ROBO1: variants seen among roughly 807,000 people sequenced by gnomAD.
ROBO1 encodes roundabout guidance receptor 1, also known as roundabout homolog 1.
In ROBO1, 149 loss-of-function variants were observed where a neutral mutation model predicts 195.9. The observed-to-expected ratio is 0.76, with a 90% CI of 0.67 to 0.87. The LOEUF (loss-of-function observed/expected upper bound fraction) is 0.87, where lower values mean the gene tolerates loss of function less well. Among genes scored for constraint, ROBO1 ranks in the 40% least tolerant of loss-of-function variants. The pLI is 0.00. For missense variants in ROBO1, 1,933 were observed against 2,068.3 expected (o/e 0.93, Z 1.27); for synonymous variants, 816 against 733.2 (o/e 1.11, Z -1.82).
intron 1 of ROBO1, among the ~76,000 whole-genome samples, chr3:79,623,156 A>G (rs1945062270): frequency 6.6e-6 from 1 of 152,026 alleles, no homozygotes; most frequent in Non-Finnish European, 1.5e-5. Flanking sequence ...AACAACAACA[A>G]CAACAACAAA....
intron 2 of ROBO1, among the ~76,000 whole-genome samples, chr3:79,507,308 T>A (rs1172123498): frequency 1.3e-5 from 2 of 152,178 alleles, no homozygotes; most frequent in African/African-American, 4.8e-5. Flanking sequence ...CAACTCTATG[T>A]GAGTCCCCGG....
chr3:79,089,107 A>G (rs1382894687), intron 3 of ROBO1, among the ~76,000 whole-genome samples: 1 of 152,172 alleles, frequency 6.6e-6, no homozygotes, highest in Non-Finnish European at 1.5e-5. Flanking sequence ...TTCCCAGTTA[A>G]CAAAAGAAAA....
At chr3:78,910,822 G>A (rs1014527579) in intron 4 of ROBO1, among the ~76,000 whole-genome samples, 7 of 151,956 alleles carry the variant, frequency 4.6e-5, no homozygotes, top group Admixed American at 4.6e-4. Flanking sequence ...CAATGTTAAA[G>A]TATATTTTCT....
intron 4 of ROBO1, among the ~76,000 whole-genome samples, chr3:78,926,417 A>C (rs927765989): frequency 6.6e-6 from 1 of 152,162 alleles, no homozygotes; most frequent in Non-Finnish European, 1.5e-5. Context: ...GAAAATACTG[A>C]AGCTGTTCAG....
At chr3:79,429,154 G>A (rs531670231) in intron 2 of ROBO1, among the ~76,000 whole-genome samples, 1 of 152,092 alleles carries the variant, frequency 6.6e-6, no homozygotes, top group African/African-American at 2.4e-5. Context: ...CTAGAAATAC[G>A]TGCATATCAA....
At chr3:79,113,055 A>T (rs550626300) in intron 3 of ROBO1, among the ~76,000 whole-genome samples, 128 of 152,174 alleles carry the variant, frequency 8.4e-4, no homozygotes, top group Non-Finnish European at 1.5e-3. Flanking sequence ...CTTGAAAGAG[A>T]CTCTTAACTG....
chr3:79,117,200 T>C (rs2080021048), intron 3 of ROBO1, among the ~76,000 whole-genome samples: 1 of 151,798 alleles, frequency 6.6e-6, no homozygotes, highest in African/African-American at 2.4e-5. Flanking sequence ...AAACCCCATC[T>C]CTACTAAAAT....
rs1704202540 is a variant in ROBO1, at chr3:78,617,754, G to C, written c.4163C>G (p.Ser1388Cys). The change falls in exon 27 of 31, where the codon TCC (serine) becomes TGC (cysteine). Residue 1388 changes from serine to cysteine, a missense_variant. Coordinates refer to ENST00000464233, the MANE Select transcript of ROBO1 (RefSeq NM_002941.4). ...GGAGCCGTCCGAAGAACTAACACTGGAGCGTCCGCTGGAAATGTTGTCCTC... is the reference window on the plus strand; with the variant it reads ...GGAGCCGTCCGAAGAACTAACACTGCAGCGTCCGCTGGAAATGTTGTCCTC... Reference protein sequence around the residue: ...SEEDNISSGRSSVSSSDGSFF... With the variant: ...SEEDNISSGRCSVSSSDGSFF... 6.2e-7 allele frequency: 1 copy of C among 1,613,964 alleles called. No homozygotes were observed. Among genetic ancestry groups the C allele is most frequent in the Non-Finnish European group, 8.5e-7 (1 of 1,179,870 alleles).
chr3:78,693,505 C>A (rs2081221015), intron 8 of ROBO1: 2 of 582,138 alleles, frequency 3.4e-6, no homozygotes, highest in Non-Finnish European at 6.0e-6. Flanking sequence ...TCACACTGTA[C>A]ATGGATGAAT....
intron 8 of ROBO1, among the ~76,000 whole-genome samples, chr3:78,695,252 A>C (rs1472128189): frequency 6.6e-6 from 1 of 152,144 alleles, no homozygotes; most frequent in African/African-American, 2.4e-5. Context: ...CAAGTACCCT[A>C]TAACTTAAAG....
chr3:78,962,700 T>G (rs2041428858), intron 3 of ROBO1, among the ~76,000 whole-genome samples: 1 of 151,670 alleles, frequency 6.6e-6, no homozygotes, highest in Non-Finnish European at 1.5e-5. Flanking sequence ...TGGCGGCGCC[T>G]GTAGTCCCAG....
rs182961590 is a variant in ROBO1, at chr3:79,646,288, G to T, written c.-50-56327C>A. On this transcript the variant is annotated intron_variant, in intron 1 of 30. Coordinates refer to ENST00000464233, the MANE Select transcript of ROBO1 (RefSeq NM_002941.4). ...ACTTCTCAAAAGAAGACACACAAATGTCCAACAGGTAAATGAAAAATGCTT... is the reference window on the plus strand; with the variant it reads ...ACTTCTCAAAAGAAGACACACAAATTTCCAACAGGTAAATGAAAAATGCTT... Among the ~76,000 whole-genome samples the T allele has an allele frequency of 4.2e-3, 634 of 152,126 alleles. 6 individuals are homozygous for T. Among genetic ancestry groups the T allele is most frequent in the African/African-American group, 0.015 (609 of 41,524 alleles).
chr3:79,458,502 A>T (rs2039691549), intron 2 of ROBO1, among the ~76,000 whole-genome samples: 1 of 152,132 alleles, frequency 6.6e-6, no homozygotes, highest in Admixed American at 6.6e-5. Flanking sequence ...AATGCTCAAC[A>T]GTATCTTCAC....
At chr3:79,681,716 G>A (rs1230033408) in intron 1 of ROBO1, among the ~76,000 whole-genome samples, 1 of 151,850 alleles carries the variant, frequency 6.6e-6, no homozygotes, top group African/African-American at 2.4e-5. Context: ...AGATTTGGTA[G>A]GCCTACTCTG....
At chr3:79,118,622 C>A (rs1486880851) in intron 3 of ROBO1, among the ~76,000 whole-genome samples, 1 of 152,070 alleles carries the variant, frequency 6.6e-6, no homozygotes, top group Non-Finnish European at 1.5e-5. Context: ...GTAATCCCAG[C>A]ACTTTGGGAG....
At chr3:78,941,744 T>C (rs1311069135) in intron 3 of ROBO1, among the ~76,000 whole-genome samples, 3 of 152,200 alleles carry the variant, frequency 2.0e-5, no homozygotes, top group Non-Finnish European at 4.4e-5. Flanking sequence ...AGCTGCTTAG[T>C]ATGGCCTGAG....
In ROBO1 at chr3:79,086,649, C is replaced by T. The variant is rs149434736; in HGVS notation, c.172+38807G>A. Among the ~76,000 whole-genome samples, 4 of 152,248 alleles carry T rather than the reference C, an allele frequency of 2.6e-5. No homozygotes were observed. The East Asian group carries it at 5.8e-4, about 22-fold the overall frequency. ...AGAGGGCGATCATTAGGAAATGCAG[C>T]GATATTTTCCCGCATGTCAGTGAAA... On this transcript the variant is annotated intron_variant, in intron 3 of 30. Coordinates refer to ENST00000464233, the MANE Select transcript of ROBO1 (RefSeq NM_002941.4).
chr3:79,525,553 T>C (rs1445222392), intron 2 of ROBO1, among the ~76,000 whole-genome samples: 1 of 147,380 alleles, frequency 6.8e-6, no homozygotes, highest in African/African-American at 2.5e-5. Context: ...TATATATATA[T>C]ATAAATATAT....
chr3:79,129,223 A>C (rs1159828214), intron 2 of ROBO1, among the ~76,000 whole-genome samples: 1 of 152,158 alleles, frequency 6.6e-6, no homozygotes, highest in African/African-American at 2.4e-5. Context: ...TAAATATTAA[A>C]TATTTTAAGT....
Sources: allele counts gnomAD v4.1 joint callset (sites outside exome capture counted in the v4.1 genomes callset), GRCh38; gene constraint gnomAD v4.1.1; transcripts MANE v1.5; gene names NCBI Gene and HGNC (gene_info 2026-07-23, HGNC 2026-07-21).